GCDH: variants seen among roughly 807,000 people sequenced by gnomAD.
GCDH encodes glutaryl-CoA dehydrogenase, also known as glutaryl-CoA dehydrogenase, mitochondrial.
GCDH carries 31 observed loss-of-function variants against 52.8 expected under a neutral mutation model. The observed-to-expected ratio is 0.59, with a 90% confidence interval of 0.44 to 0.79. GCDH has a LOEUF of 0.79. Ranked by LOEUF, GCDH falls within the 30% of genes least tolerant of loss-of-function variation. GCDH has a pLI of 0.00. For synonymous variants in GCDH, 242 were observed against 250.0 expected (o/e 0.97, Z 0.30); for missense variants, 509 against 595.0 (o/e 0.86, Z 1.50).
chr19:12,897,601 G>A, intron 10 of GCDH, 102 bp from the exon 11 acceptor site: 1 of 1,491,124 alleles, frequency 6.7e-7, no homozygotes, highest in Non-Finnish European at 9.3e-7. Flanking sequence ...CCCTCATTGG[G>A]AGCTTGGCTG....
At chr19:12,897,597 T>A in intron 10 of GCDH, 106 bp from the exon 11 acceptor site, 1 of 1,473,490 alleles carries the variant, frequency 6.8e-7, no homozygotes, top group South Asian at 1.1e-5. Flanking sequence ...TGGTCCCTCA[T>A]TGGGAGCTTG....
intron 11 of GCDH, 176 bp from the exon 12 acceptor site, chr19:12,899,292 C>G (rs1489225377): frequency 9.9e-6 from 15 of 1,520,448 alleles, no homozygotes; most frequent in Non-Finnish European, 1.4e-5. Flanking sequence ...GGTGGCCTCA[C>G]AGTCTTCTCC....
chr19:12,892,059 C>T, intron 4 of GCDH, 57 bp from the exon 5 acceptor site: 2 of 1,611,114 alleles, frequency 1.2e-6, no homozygotes, highest in African/African-American at 1.3e-5. Flanking sequence ...GTCCTTGGGG[C>T]TGGGGCTTCC....
intron 6 of GCDH, 27 bp from the exon 7 acceptor site, chr19:12,895,965 C>A (rs759509439): frequency 6.2e-7 from 1 of 1,613,532 alleles, no homozygotes; most frequent in Middle Eastern, 1.6e-4. Context: ...GACCAGGCAG[C>A]CTTGTGACTT....
intron 6 of GCDH, 142 bp downstream of exon 6, chr19:12,893,795 G>A: frequency 1.3e-6 from 1 of 762,914 alleles, no homozygotes; most frequent in Non-Finnish European, 2.3e-6. Context: ...CCAGACCCTG[G>A]GCTTCACCTG....
intron 11 of GCDH, 182 bp from the exon 12 acceptor site, chr19:12,899,286 G>A (rs1291210049): frequency 3.4e-6 from 5 of 1,460,960 alleles, no homozygotes; most frequent in Non-Finnish European, 1.9e-6. Context: ...CCAAATGGTG[G>A]CCTCACAGTC....
In GCDH at chr19:12,896,420, G is replaced by T. The variant is rs749033627; in HGVS notation, c.851G>T (p.Gly284Val). 2 of 1,611,866 alleles carry T rather than the reference G, an allele frequency of 1.2e-6. No individual in the cohort carries two copies. Residue 284 changes from glycine to valine, a missense_variant and splice_region_variant, in exon 8 of 12, where the codon GGG becomes GTG. By Grantham distance (109) the Gly-to-Val change is moderately radical. Coordinates refer to ENST00000222214, the MANE Select transcript of GCDH (RefSeq NM_000159.4). The surrounding 1 kb of genome is among the most constrained non-coding windows in gnomAD (Gnocchi z 5.5). The part of the protein sequence containing the change: ...ENVLPGASSL[G>V]GPFGCLNNAR... ...GTGCTCCCTGGTGCATCCAGCCTGG[G>T]GGTAAGTGGCAGCCACTTTGGGAAT...
intron 11 of GCDH, chr19:12,898,186 AGGC>A: frequency 2.4e-6 from 1 of 414,166 alleles, no homozygotes; most frequent in South Asian, 2.1e-5. Flanking sequence ...GACTCCTAGC[AGGC>A]TGGTGGACGC....
Position 12,896,933 on chromosome 19 carries a change from C to A in GCDH, c.876C>A (p.Asn292Lys). 6.2e-7 allele frequency: 1 copy of A among 1,613,280 alleles called. No individual in the cohort carries two copies. Among genetic ancestry groups the A allele is most frequent in the South Asian group, 1.1e-5 (1 of 91,082 alleles). ...AGGGTCCCTTCGGCTGCCTGAACAA[C>A]GCCCGGTACGGCATCGCGTGGGGCG... ...SLGGPFGCLN[N>K]ARYGIAWGVL... The change falls in exon 9 of 12, where the codon AAC becomes AAA. Residue 292 changes from asparagine to lysine, a missense_variant. Coordinates refer to ENST00000222214, the MANE Select transcript of GCDH (RefSeq NM_000159.4). This position sits in a 1 kb window ranked among gnomAD's most constrained non-coding sequence, Gnocchi z 5.5.
intron 5 of GCDH, 85 bp from the exon 6 acceptor site, chr19:12,893,398 G>T: frequency 8.3e-7 from 1 of 1,208,614 alleles, no homozygotes. Flanking sequence ...CTCCTTGTGT[G>T]TCCTTATTCA....
chr19:12,897,452 G>A (rs1449466134), intron 10 of GCDH, 24 bp downstream of exon 10: 1 of 1,611,598 alleles, frequency 6.2e-7, no homozygotes, highest in South Asian at 1.1e-5. Context: ...GGTGGGGGCG[G>A]GGGGATGGCA....
At chr19:12,894,512 AC>A in intron 6 of GCDH, 1 of 696,514 alleles carries the variant, frequency 1.4e-6, no homozygotes, top group South Asian at 1.5e-5. Context: ...ACTGACTGAG[AC>A]TATGATGCCT....
intron 11 of GCDH, 90 bp from the exon 12 acceptor site, chr19:12,899,378 G>T (rs781028895): frequency 4.3e-6 from 7 of 1,614,162 alleles, no homozygotes; most frequent in Non-Finnish European, 5.9e-6. Flanking sequence ...TACTTCTGAA[G>T]CAGTGGCCTG....
chr19:12,892,522 C>T (rs1468527444), intron 5 of GCDH: 7 of 373,358 alleles, frequency 1.9e-5, no homozygotes, highest in Non-Finnish European at 3.5e-5. Flanking sequence ...AAACTCCTGA[C>T]CTCAGGTGAT....
Position 12,891,207 on chromosome 19 carries a change from G to C in GCDH, c.-35+5G>C. 1 of 910,006 alleles carries C rather than the reference G, an allele frequency of 1.1e-6. No homozygotes were observed. The highest frequency in any genetic ancestry group is 1.7e-6 in the Non-Finnish European group (1 of 571,714). The allele number at this position is 910,006 out of a possible 1,614,324, so 56.4% of individuals were successfully genotyped here. A position where few individuals can be genotyped will look rare whatever the true frequency, so the allele number is the denominator to read the frequency against. On this transcript the variant is annotated splice_donor_5th_base_variant and intron_variant, in intron 1 of 11. Coordinates refer to ENST00000222214, the MANE Select transcript of GCDH (RefSeq NM_000159.4). The stretch of plus-strand genomic sequence containing the variant: ...TGAACCGGGAGGTACTACCAGGTAA[G>C]GAAGGTGCGGTAGCCCCAGCCGTGG...
intron 6 of GCDH, among the ~76,000 whole-genome samples, chr19:12,895,233 T>C (rs924420077): frequency 6.6e-6 from 1 of 152,136 alleles, no homozygotes; most frequent in Non-Finnish European, 1.5e-5. Flanking sequence ...AACTTAGTTA[T>C]GAGGTCTGAC....
chr19:12,897,299 G>A lies in GCDH; in HGVS notation c.957-4G>A, dbSNP rs1970706192. The A allele has an allele frequency of 6.2e-7, 1 of 1,613,722 alleles. No homozygotes were observed. The highest frequency in any genetic ancestry group is 8.5e-7 in the Non-Finnish European group (1 of 1,179,990). ...TCGCTCTTACCCTGCCATTGCCCAT[G>A]TAGGATGCAGTTTGGTGTCCCACTG... On this transcript the variant is annotated splice_region_variant and splice_polypyrimidine_tract_variant and intron_variant, in intron 9 of 11. Coordinates refer to ENST00000222214, the MANE Select transcript of GCDH (RefSeq NM_000159.4).
At chr19:12,894,765 A>C in intron 6 of GCDH, 1 of 829,378 alleles carries the variant, frequency 1.2e-6, no homozygotes, top group Non-Finnish European at 1.9e-6. Flanking sequence ...GAATATGCTA[A>C]ACTTTTGGCC....
At chr19:12,892,935 G>A (rs1384650642) in intron 5 of GCDH, among the ~76,000 whole-genome samples, 1 of 149,328 alleles carries the variant, frequency 6.7e-6, no homozygotes, top group African/African-American at 2.5e-5. Flanking sequence ...TGGATTACTG[G>A]ATTACAGTGG....
Sources: gnomAD v4.1 joint callset for allele counts (sites outside exome capture counted in the v4.1 genomes callset) on GRCh38, gnomAD v4.1.1 for gene constraint, Gnocchi (gnomAD v3.1) non-coding constraint, MANE v1.5 for transcripts, NCBI Gene and HGNC (gene_info 2026-07-23, HGNC 2026-07-21) for gene names.